The following NOL4 variants were observed in gnomAD, a reference collection of about 807,000 sequenced individuals.
NOL4 encodes the protein nucleolar protein 4.
NOL4 carries 17 observed loss-of-function variants against 75.9 expected under a neutral mutation model. The observed-to-expected ratio is 0.22, with a 90% CI of 0.15 to 0.34. The LOEUF is 0.34. NOL4 is among the 10% of genes least tolerant of loss of function. The pLI is 1.00. For synonymous variants in NOL4, 292 were observed against 289.9 expected (o/e 1.01, Z -0.07); for missense variants, 614 against 793.5 (o/e 0.77, Z 2.72).
chr18:33,934,804 A>G (rs928229414), intron 9 of NOL4, among the ~76,000 whole-genome samples: 8 of 150,904 alleles, frequency 5.3e-5, no homozygotes, highest in East Asian at 2.0e-4. Context: ...AACTTTCTCC[A>G]TAACAGTAAT....
chr18:34,054,167 A>C (rs1353917516), intron 5 of NOL4, among the ~76,000 whole-genome samples: 1 of 151,976 alleles, frequency 6.6e-6, no homozygotes, highest in Non-Finnish European at 1.5e-5. Context: ...TTCCATGTGC[A>C]CTTGAGAAGA....
At chr18:34,214,312 A>G (rs1369501115) in intron 1 of NOL4, among the ~76,000 whole-genome samples, 1 of 136,646 alleles carries the variant, frequency 7.3e-6, no homozygotes, top group African/African-American at 3.0e-5. Context: ...TTTTAAATAT[A>G]GTTTATAATG....
chr18:34,089,923 TCTTA>T (rs2078429788), intron 5 of NOL4, among the ~76,000 whole-genome samples: 1 of 152,032 alleles, frequency 6.6e-6, no homozygotes, highest in Non-Finnish European at 1.5e-5. Flanking sequence ...CCTTTTTTTT[TCTTA>T]CTGTGATACA....
intron 5 of NOL4, among the ~76,000 whole-genome samples, chr18:34,069,287 T>C (rs2145228264): frequency 6.6e-6 from 1 of 152,206 alleles, no homozygotes; most frequent in East Asian, 1.9e-4. Context: ...AGATTGGACA[T>C]GGGTAAAGAA....
At chr18:33,952,642 C>T (rs1035717479) in intron 8 of NOL4, among the ~76,000 whole-genome samples, 2 of 152,130 alleles carry the variant, frequency 1.3e-5, no homozygotes, top group African/African-American at 4.8e-5. Context: ...GAAATTTGTT[C>T]TGCCAGGTGT....
At chr18:34,007,807 G>T (rs961039730) in intron 6 of NOL4, among the ~76,000 whole-genome samples, 1 of 151,894 alleles carries the variant, frequency 6.6e-6, no homozygotes, top group African/African-American at 2.4e-5. Flanking sequence ...TATCATGTCA[G>T]GCAGAATTAT....
intron 1 of NOL4, among the ~76,000 whole-genome samples, chr18:34,185,269 A>G (rs2034367348): frequency 1.3e-5 from 2 of 152,184 alleles, no homozygotes; most frequent in African/African-American, 2.4e-5. Context: ...AGAACATACA[A>G]GACTTCTAAT....
At chr18:33,907,089 C>T (rs1321985764) in intron 9 of NOL4, among the ~76,000 whole-genome samples, 6 of 151,782 alleles carry the variant, frequency 4.0e-5, no homozygotes, top group Admixed American at 6.6e-5. Flanking sequence ...TTTGGGAGGC[C>T]GAGGCAGGTG....
At chr18:33,860,444 G>A (rs1382336229) in intron 10 of NOL4, among the ~76,000 whole-genome samples, 5 of 152,140 alleles carry the variant, frequency 3.3e-5, no homozygotes, top group Non-Finnish European at 1.5e-5. Context: ...AGGAGTTTGT[G>A]CAAGTTAGTG....
intron 9 of NOL4, among the ~76,000 whole-genome samples, chr18:33,924,602 T>G (rs1036593877): frequency 6.6e-6 from 1 of 152,218 alleles, no homozygotes; most frequent in East Asian, 1.9e-4. Context: ...CATCCCAGTA[T>G]GTAAATACAC....
At position 34,034,064 on chromosome 18, in the gene NOL4, G is replaced by A. The variant is rs577766963; in HGVS notation, c.773-14463C>T. Among the ~76,000 whole-genome samples, 8 of 152,258 alleles carry A rather than the reference G, an allele frequency of 5.3e-5. No homozygotes were observed. The East Asian group carries it at 1.2e-3, about 22-fold the overall frequency. Reference sequence around the variant, plus strand: ...TCAAGGCAGTCTTCAACCCAAAAGCGAAAGGACAGCATTTACCATCATGAA... The same window carrying A: ...TCAAGGCAGTCTTCAACCCAAAAGCAAAAGGACAGCATTTACCATCATGAA... On this transcript the variant is annotated intron_variant, in intron 5 of 10. Transcript: ENST00000261592.
intron 5 of NOL4, among the ~76,000 whole-genome samples, chr18:34,038,886 A>G (rs1277165897): frequency 1.3e-5 from 2 of 152,084 alleles, no homozygotes; most frequent in East Asian, 3.9e-4. Context: ...TAGCTAGAAG[A>G]GAGAACTTGA....
At chr18:33,960,371 G>A (rs2070010647) in intron 6 of NOL4, among the ~76,000 whole-genome samples, 1 of 151,918 alleles carries the variant, frequency 6.6e-6, no homozygotes, top group African/African-American at 2.4e-5. Context: ...ACATATTCTG[G>A]AATATATTTA....
chr18:34,038,973 T>C (rs556226667), intron 5 of NOL4, among the ~76,000 whole-genome samples: 1 of 152,178 alleles, frequency 6.6e-6, no homozygotes, highest in South Asian at 2.1e-4. Context: ...GGTTTGATCA[T>C]TATACATTCT....
intron 8 of NOL4, 57 bp downstream of exon 8, chr18:33,957,269 T>C (rs2069722065): frequency 6.0e-6 from 8 of 1,330,986 alleles, no homozygotes; most frequent in Non-Finnish European, 8.1e-6. Context: ...AATAGTGTCA[T>C]GGTTTACATG....
chr18:33,983,561 G>T (rs1266741295), intron 6 of NOL4, among the ~76,000 whole-genome samples: 2 of 151,652 alleles, frequency 1.3e-5, no homozygotes, highest in Non-Finnish European at 1.5e-5. Context: ...TTAGGTATAT[G>T]TATGTGTATG....
chr18:34,119,626 A>T (rs2080028713), intron 2 of NOL4, among the ~76,000 whole-genome samples: 2 of 150,726 alleles, frequency 1.3e-5, no homozygotes, highest in South Asian at 2.1e-4. Context: ...TATTTTTTTT[A>T]TTTTTATTTT....
intron 2 of NOL4, among the ~76,000 whole-genome samples, chr18:34,120,695 T>C (rs1238595980): frequency 6.6e-6 from 1 of 152,166 alleles, no homozygotes; most frequent in African/African-American, 2.4e-5. Context: ...AAAGTGAATG[T>C]GCTACAGAGG....
At chr18:33,957,601 G>GA in intron 7 of NOL4, 84 bp from the exon 8 acceptor site, 1 of 1,084,410 alleles carries the variant, frequency 9.2e-7, no homozygotes, top group Non-Finnish European at 1.3e-6. Flanking sequence ...TTACCGATAG[G>GA]AAAATACTGT....
Sources: allele counts gnomAD v4.1 joint callset (sites outside exome capture counted in the v4.1 genomes callset), GRCh38; gene constraint gnomAD v4.1.1; transcripts MANE v1.5; gene names NCBI Gene and HGNC (gene_info 2026-07-23, HGNC 2026-07-21).